The following ATAD2B variants were observed in gnomAD, a reference collection of about 807,000 sequenced individuals.
The protein encoded by ATAD2B is ATPase family AAA domain containing 2B.
Under a neutral mutation model 167.6 loss-of-function variants are expected in ATAD2B, and 40 were observed. The ratio of observed to expected loss-of-function variants is 0.24; its 90% confidence interval spans 0.19 to 0.31. The LOEUF (loss-of-function observed/expected upper bound fraction) is 0.31, where lower values mean the gene tolerates loss of function less well. Among genes scored for constraint, ATAD2B ranks in the 10% least tolerant of loss-of-function variants. The pLI is 1.00. For missense variants in ATAD2B, 1,242 were observed against 1,757.2 expected (o/e 0.71, Z 5.24); for synonymous variants, 579 against 596.5 (o/e 0.97, Z 0.43).
At chr2:23,681,225 C>T in the ATAD2B span, among the ~76,000 whole-genome samples, 8 of 152,248 alleles carry the variant, frequency 5.3e-5, no homozygotes, top group African/African-American at 1.9e-4. The surrounding 1 kb of genome is among the most constrained non-coding windows in gnomAD (Gnocchi z 4.2). Context: ...TGCTGGGAAT[C>T]CCCTGGTGAG....
chr2:23,819,628 A>T, intron 17 of ATAD2B, 119 bp downstream of exon 17: 1 of 806,880 alleles, frequency 1.2e-6, no homozygotes, highest in Non-Finnish European at 1.7e-6. Context: ...AATTGTGTCC[A>T]AACAACAGAA....
At chr2:23,811,721 A>C (rs1227625158) in intron 17 of ATAD2B, among the ~76,000 whole-genome samples, 2 of 152,290 alleles carry the variant, frequency 1.3e-5, no homozygotes, top group East Asian at 3.9e-4. Flanking sequence ...CATTCTGCAT[A>C]TGTATCCCAA....
the ATAD2B span, among the ~76,000 whole-genome samples, chr2:23,732,162 A>G: frequency 5.9e-5 from 9 of 152,202 alleles, no homozygotes; most frequent in Admixed American, 1.3e-4. Context: ...GAGAAATACA[A>G]AAGATAAATG....
At chr2:23,776,651 C>G (rs779130089) in intron 22 of ATAD2B, among the ~76,000 whole-genome samples, 1 of 152,176 alleles carries the variant, frequency 6.6e-6, no homozygotes, top group African/African-American at 2.4e-5. Context: ...TCTTGCTAAT[C>G]TCCAGGTAGT....
chr2:23,778,130 A>G (rs1264454297), intron 22 of ATAD2B, among the ~76,000 whole-genome samples: 1 of 151,700 alleles, frequency 6.6e-6, no homozygotes, highest in Non-Finnish European at 1.5e-5. Context: ...GTTGCTAAGA[A>G]AAAAAAAAGA....
the ATAD2B span, chr2:23,708,032 A>C: frequency 6.6e-6 from 1 of 152,224 alleles, no homozygotes; most frequent in Non-Finnish European, 1.5e-5. Context: ...AGTTGGTACC[A>C]AATACACATT....
intron 13 of ATAD2B, among the ~76,000 whole-genome samples, chr2:23,843,275 G>C (rs1422303067): frequency 6.6e-6 from 1 of 152,136 alleles, no homozygotes; most frequent in African/African-American, 2.4e-5. Context: ...AGTGAAGACT[G>C]ACTAAAGACA....
At chr2:23,904,388 T>C (rs1438022722) in intron 1 of ATAD2B, among the ~76,000 whole-genome samples, 1 of 152,080 alleles carries the variant, frequency 6.6e-6, no homozygotes. Context: ...GACAGGGCAA[T>C]GTCTGTGAAA....
the ATAD2B span, among the ~76,000 whole-genome samples, chr2:23,683,394 G>A: frequency 1.3e-5 from 2 of 152,260 alleles, no homozygotes; most frequent in Non-Finnish European, 2.9e-5. Flanking sequence ...GATCCTGGGG[G>A]CAGGCAGATG....
At chr2:23,779,000 C>T (rs1679579206) in intron 22 of ATAD2B, among the ~76,000 whole-genome samples, 1 of 152,120 alleles carries the variant, frequency 6.6e-6, no homozygotes, top group South Asian at 2.1e-4. Flanking sequence ...TGTACCCTCA[C>T]ATAGGACCCC....
intron 13 of ATAD2B, among the ~76,000 whole-genome samples, chr2:23,839,895 T>C (rs1019419082): frequency 1.3e-5 from 2 of 152,104 alleles, no homozygotes; most frequent in Admixed American, 1.3e-4. Context: ...TTGGCCTCTT[T>C]TACTCAACCC....
At chr2:23,779,388 G>A (rs1383373610) in intron 22 of ATAD2B, among the ~76,000 whole-genome samples, 3 of 151,802 alleles carry the variant, frequency 2.0e-5, no homozygotes, top group African/African-American at 7.3e-5. Context: ...TGTTAGCCAG[G>A]ATGGTCTCGA....
intron 22 of ATAD2B, among the ~76,000 whole-genome samples, chr2:23,772,500 A>G (rs1467891981): frequency 1.3e-5 from 2 of 152,170 alleles, no homozygotes; most frequent in Non-Finnish European, 2.9e-5. Context: ...ACTAAAAAAA[A>G]AGGTAAGATT....
At chr2:23,726,014 C>T in the ATAD2B span, among the ~76,000 whole-genome samples, 1 of 152,122 alleles carries the variant, frequency 6.6e-6, no homozygotes, top group Non-Finnish European at 1.5e-5. Context: ...CCCAAAAAGA[C>T]TAAAAATGGA....
At chr2:23,731,070 CAG>C in the ATAD2B span, among the ~76,000 whole-genome samples, 2 of 151,830 alleles carry the variant, frequency 1.3e-5, no homozygotes, top group African/African-American at 4.8e-5. Context: ...AAGACTCTGA[CAG>C]GACAAAAATG....
At chr2:23,682,652 C>T in the ATAD2B span, among the ~76,000 whole-genome samples, 1 of 152,150 alleles carries the variant, frequency 6.6e-6, no homozygotes, top group Non-Finnish European at 1.5e-5. This position sits in a 1 kb window ranked among gnomAD's most constrained non-coding sequence, Gnocchi z 4.1. Context: ...CCACCTGCAC[C>T]TGCCCCCTCG....
chr2:23,918,308 C>T (rs1278517606), intron 1 of ATAD2B, among the ~76,000 whole-genome samples: 7 of 151,616 alleles, frequency 4.6e-5, no homozygotes, highest in African/African-American at 1.7e-4. Flanking sequence ...GAGGTCAAGG[C>T]TGCAACGAGC....
intron 1 of ATAD2B, 139 bp from the exon 2 acceptor site, chr2:23,896,109 A>T: frequency 2.1e-6 from 1 of 475,094 alleles, no homozygotes; most frequent in Non-Finnish European, 3.6e-6. Flanking sequence ...TGAGGTCAGG[A>T]GTTCAAGACC....
rs770044753 is a variant in ATAD2B, at chr2:23,782,857, A to G, written c.3133+12T>C. The G allele has an allele frequency of 2.5e-5, 40 of 1,602,246 alleles. No homozygotes were observed. The highest frequency in any genetic ancestry group is 3.3e-4 in the Middle Eastern group (2 of 6,056). On this transcript the variant is annotated intron_variant, in intron 22 of 27. Coordinates refer to ENST00000238789, the MANE Select transcript of ATAD2B (RefSeq NM_017552.4). ...TGATTATCAAGGGGAACCTTGCCCT[A>G]TGCATCCTTACCTCCTGGGTCCTTA... is the stretch of plus-strand genomic sequence containing the variant.
Sources: allele counts gnomAD v4.1 joint callset (sites outside exome capture counted in the v4.1 genomes callset), GRCh38; gene constraint gnomAD v4.1.1; non-coding constraint Gnocchi (gnomAD v3.1); transcripts MANE v1.5; gene names NCBI Gene and HGNC (gene_info 2026-07-23, HGNC 2026-07-21).